SRD5A3: variants seen among roughly 807,000 people sequenced by gnomAD.
SRD5A3 encodes polyprenal reductase.
SRD5A3 carries 24 observed loss-of-function variants against 34.3 expected under a neutral mutation model. The ratio of observed to expected loss-of-function variants is 0.70; its 90% confidence interval spans 0.51 to 0.99. The LOEUF is 0.99. Ranked by LOEUF, SRD5A3 falls within the 50% of genes least tolerant of loss-of-function variation. The probability of loss-of-function intolerance (pLI) is 0.00; values close to 1 mark genes in which losing one functional copy is unlikely to be tolerated. For missense variants in SRD5A3, 350 were observed against 388.2 expected, an observed-to-expected ratio of 0.90 and a Z score of 0.83; for synonymous variants, 161 against 167.3, an observed-to-expected ratio of 0.96 and a Z score of 0.29.
At chr4:55,356,417 T>G (rs1208632600) in intron 1 of SRD5A3, among the ~76,000 whole-genome samples, 1 of 152,216 alleles carries the variant, frequency 6.6e-6, no homozygotes, top group Non-Finnish European at 1.5e-5. Flanking sequence ...ACATTCATCT[T>G]GTTATCCAAC....
intron 1 of SRD5A3, among the ~76,000 whole-genome samples, chr4:55,351,422 A>G (rs992736921): frequency 2.0e-5 from 3 of 152,110 alleles, no homozygotes; most frequent in Admixed American, 6.6e-5. Context: ...CAGCATCAAA[A>G]AGTGAGCAGG....
rs1292926869 is a variant in SRD5A3 at position 55,370,831 on chromosome 4, C to T, written c.*740C>T. ...CCAGGAGGTCAAGGGTACAGTGAGC[C>T]GAGGTCATGCCACTGCACTCCAGCC... On this transcript the variant is annotated 3_prime_UTR_variant, in exon 5 of 5. Transcript: ENST00000264228. The T allele has an allele frequency of 1.3e-5, 2 of 152,144 alleles. No individual in the cohort carries two copies. Among genetic ancestry groups the T allele is most frequent in the East Asian group, 1.9e-4 (1 of 5,196 alleles). The allele number at this position is 152,144 out of a possible 1,614,324, so 9.4% of individuals were successfully genotyped here.
At chr4:55,347,926 G>T (rs182734061) in intron 1 of SRD5A3, among the ~76,000 whole-genome samples, 1 of 152,292 alleles carries the variant, frequency 6.6e-6, no homozygotes, top group African/African-American at 2.4e-5. Flanking sequence ...TATCCCATTT[G>T]TAATCAGGGT....
At chr4:55,368,884 G>A (rs1176093705) in intron 4 of SRD5A3, among the ~76,000 whole-genome samples, 2 of 151,890 alleles carry the variant, frequency 1.3e-5, no homozygotes, top group South Asian at 2.1e-4. Flanking sequence ...GATTACAGGC[G>A]TGTGCCACCA....
At position 55,357,240 on chromosome 4, in the gene SRD5A3, C is replaced by T. The variant is rs1222335753; in HGVS notation, c.222-2106C>T. On this transcript the variant is annotated intron_variant, in intron 1 of 4. Transcript: ENST00000264228. ...ACTCTAAGGTAAACTCCCATTAAGG[C>T]GGAGACCTAGTCTGTTTACTCCCTG... 5.9e-5 allele frequency among the ~76,000 whole-genome samples: 9 copies of T among 152,306 alleles called. No homozygotes were observed. The East Asian group carries it at 1.2e-3, about 20-fold the overall frequency.
At chr4:55,361,874 G>A (rs7672647) in intron 2 of SRD5A3, among the ~76,000 whole-genome samples, 29,156 of 152,074 alleles carry the variant, frequency 0.19, 2,992 homozygotes, top group African/African-American at 0.23. Context: ...CACTCCACTC[G>A]TTAAAACTTC....
chr4:55,357,439 C>G (rs925300144), intron 1 of SRD5A3, among the ~76,000 whole-genome samples: 1 of 152,190 alleles, frequency 6.6e-6, no homozygotes. Context: ...CCACTGTGCT[C>G]CACGAGGCTC....
intron 1 of SRD5A3, among the ~76,000 whole-genome samples, chr4:55,348,552 A>G (rs1351256077): frequency 6.6e-6 from 1 of 152,190 alleles, no homozygotes; most frequent in Non-Finnish European, 1.5e-5. Context: ...CATTTAAAAA[A>G]ATGTGCTAAT....
chr4:55,364,598 C>T (rs140741091), intron 3 of SRD5A3: 2 of 334,338 alleles, frequency 6.0e-6, no homozygotes, highest in Non-Finnish European at 1.2e-5. Flanking sequence ...CGCCTGTAGT[C>T]CCAGCTACTG....
intron 1 of SRD5A3, among the ~76,000 whole-genome samples, chr4:55,349,181 C>T (rs990308475): frequency 4.6e-5 from 7 of 152,096 alleles, no homozygotes; most frequent in African/African-American, 7.2e-5. Context: ...ACTAGAGGTG[C>T]ACACCACCAT....
rs533172873 is a variant in SRD5A3, at chr4:55,372,446, T to C, written c.*2355T>C. 2 of 152,148 alleles carry C rather than the reference T, an allele frequency of 1.3e-5. No homozygotes were observed. Among genetic ancestry groups the C allele is most frequent in the Non-Finnish European group, 2.9e-5 (2 of 68,018 alleles). The allele number at this position is 152,148 out of a possible 1,614,324, so 9.4% of individuals were successfully genotyped here. ...CTTCTTTGCCCAAACATCATATTTC[T>C]AGGCAAAGATAAGAGAGGAGATAGT... On this transcript the variant is annotated 3_prime_UTR_variant, in exon 5 of 5. Transcript: ENST00000264228.
chr4:55,362,319 G>T (rs1256259372), intron 2 of SRD5A3, among the ~76,000 whole-genome samples: 1 of 151,920 alleles, frequency 6.6e-6, no homozygotes, highest in Non-Finnish European at 1.5e-5. Flanking sequence ...GTAGAGACAG[G>T]GTTTCACTCT....
At chr4:55,355,437 A>G (rs1337396549) in intron 1 of SRD5A3, among the ~76,000 whole-genome samples, 2 of 151,766 alleles carry the variant, frequency 1.3e-5, no homozygotes, top group East Asian at 3.9e-4. Flanking sequence ...CAGCCTGGGC[A>G]ACAGAGCGAG....
At chr4:55,359,148 A>C (rs1395807412) in intron 1 of SRD5A3, 198 bp from the exon 2 acceptor site, 8 of 641,212 alleles carry the variant, frequency 1.2e-5, no homozygotes, top group Non-Finnish European at 2.1e-5. Context: ...CTTTTTCCTG[A>C]AAGTTAACTG....
intron 1 of SRD5A3, chr4:55,359,080 A>C (rs1300862204): frequency 2.2e-6 from 1 of 445,204 alleles, no homozygotes; most frequent in East Asian, 4.8e-5. Context: ...ATTGCTAACT[A>C]AACTTTATTC....
chr4:55,364,588 C>T (rs1004375152), intron 3 of SRD5A3: 11 of 347,082 alleles, frequency 3.2e-5, no homozygotes, highest in Admixed American at 1.2e-4. Context: ...TGGTGGCACA[C>T]GCCTGTAGTC....
At position 55,364,090 on chromosome 4, in the gene SRD5A3, G is replaced by A; in HGVS notation, c.381G>A (p.Leu127=). 1 of 1,614,228 alleles carries A rather than the reference G, an allele frequency of 6.2e-7. No individual in the cohort carries two copies. Among genetic ancestry groups the A allele is most frequent in the Non-Finnish European group, 8.5e-7 (1 of 1,180,054 alleles). Residue 127 remains leucine, a synonymous_variant, in exon 3 of 5, where the codon CTG becomes CTA. Transcript: ENST00000264228. ...AAQFQGGELA[L]SAFLVLVFLW... is the part of the protein sequence containing the mutation. Reference sequence around the variant, plus strand: ...GAATTGTAGGAGGGGAGCTGGCACTGTCTGCATTCTTAGTGCTAGTATTTC... The same window carrying A: ...GAATTGTAGGAGGGGAGCTGGCACTATCTGCATTCTTAGTGCTAGTATTTC...
chr4:55,360,337 A>C lies in SRD5A3; in HGVS notation c.364+849A>C, dbSNP rs191598325. On this transcript the variant is annotated intron_variant, in intron 2 of 4. Coordinates refer to ENST00000264228, the MANE Select transcript of SRD5A3 (RefSeq NM_024592.5). The stretch of plus-strand genomic sequence containing the variant: ...GCCTGGCCAATGTGGTGAAACCCCA[A>C]CTCTACTAAAAATACAAAAATAGCT... 2.1e-3 allele frequency among the ~76,000 whole-genome samples: 313 copies of C among 151,474 alleles called. 1 individual carries two copies. The highest frequency in any genetic ancestry group is 7.0e-3 in the African/African-American group (291 of 41,294).
At chr4:55,362,196 C>T (rs1031408293) in intron 2 of SRD5A3, among the ~76,000 whole-genome samples, 1 of 148,752 alleles carries the variant, frequency 6.7e-6, no homozygotes, top group Non-Finnish European at 1.5e-5. Flanking sequence ...GGCCTGATCT[C>T]AGCTCACCAC....
Sources: gnomAD v4.1 joint callset for allele counts (sites outside exome capture counted in the v4.1 genomes callset) on GRCh38, gnomAD v4.1.1 for gene constraint, MANE v1.5 for transcripts, NCBI Gene and HGNC (gene_info 2026-07-23, HGNC 2026-07-21) for gene names.